Variants in RAB1A observed in about 807,000 individuals in gnomAD.
RAB1A encodes RAB1A, member RAS oncogene family, also known as ras-related protein Rab-1A.
A neutral mutation model predicts 26.0 loss-of-function variants in RAB1A; 2 were observed. That is an observed-to-expected ratio of 0.08 (90% CI 0.03 to 0.24). The LOEUF (loss-of-function observed/expected upper bound fraction) is 0.24. Among genes scored for constraint, RAB1A ranks in the 10% least tolerant of loss-of-function variants. The pLI is 1.00. For missense variants in RAB1A, 100 were observed against 247.0 expected, an observed-to-expected ratio of 0.40 and a Z score of 3.99; for synonymous variants, 84 against 84.9, an observed-to-expected ratio of 0.99 and a Z score of 0.06.
chr2:65,110,656 G>A (rs1297899949), intron 1 of RAB1A, among the ~76,000 whole-genome samples: 1 of 152,144 alleles, frequency 6.6e-6, no homozygotes, highest in African/African-American at 2.4e-5. Context: ...TGCAATGCTG[G>A]GTGTGGTGGC....
intron 1 of RAB1A, among the ~76,000 whole-genome samples, chr2:65,129,207 A>C (rs1181812057): frequency 6.6e-6 from 1 of 151,744 alleles, no homozygotes; most frequent in Non-Finnish European, 1.5e-5. Context: ...TTAAAAAAAA[A>C]AAAAACAAAA....
chr2:65,111,641 T>A (rs10176281), intron 1 of RAB1A, among the ~76,000 whole-genome samples: 24,173 of 152,194 alleles, frequency 0.16, 2,072 homozygotes, highest in African/African-American at 0.22. Flanking sequence ...ATTTCTTAAT[T>A]TGGACAAATG....
At chr2:65,093,624 A>ATTT (rs57642294) in intron 3 of RAB1A, among the ~76,000 whole-genome samples, 1 of 142,638 alleles carries the variant, frequency 7.0e-6, no homozygotes. Flanking sequence ...TTGTGTTTAG[A>ATTT]TTTTTTTTTT....
Position 65,130,008 on chromosome 2 carries a change from G to C in RAB1A, c.-93C>G, listed in dbSNP as rs988287624. 1.4e-6 allele frequency: 2 copies of C among 1,381,520 alleles called. No homozygotes were observed. The allele number at this position is 1,381,520 out of a possible 1,614,324, so 85.6% of individuals were successfully genotyped here. ...CCACGGGTAATCGAAAGAAAGGAAT[G>C]AGATAGGCTGTTCCGGGAGAGCAAA... On this transcript the variant is annotated 5_prime_UTR_variant, in exon 1 of 6. Transcript: ENST00000409784.
chr2:65,126,082 C>T (rs561316669), intron 1 of RAB1A, among the ~76,000 whole-genome samples: 2 of 152,056 alleles, frequency 1.3e-5, no homozygotes, highest in African/African-American at 2.4e-5. Flanking sequence ...ATTGGCCAGG[C>T]TGGTCTTGAA....
intron 2 of RAB1A, among the ~76,000 whole-genome samples, chr2:65,098,832 A>C (rs1177585096): frequency 2.2e-5 from 1 of 46,298 alleles, no homozygotes; most frequent in African/African-American, 8.2e-5. Flanking sequence ...ATGTAACAGT[A>C]CTTCTTTTTT....
intron 1 of RAB1A, among the ~76,000 whole-genome samples, chr2:65,124,318 G>C (rs958244565): frequency 6.6e-6 from 1 of 152,170 alleles, no homozygotes; most frequent in Non-Finnish European, 1.5e-5. Context: ...TTTCAGGCTG[G>C]ACATGGTGGC....
At chr2:65,128,898 C>G (rs17029896) in intron 1 of RAB1A, among the ~76,000 whole-genome samples, 8,042 of 152,214 alleles carry the variant, frequency 0.053, 682 homozygotes, top group African/African-American at 0.18. Context: ...GGGAAGTGAA[C>G]ACCAGTTCCC....
At chr2:65,118,474 T>G (rs1337099907) in intron 1 of RAB1A, among the ~76,000 whole-genome samples, 1 of 152,046 alleles carries the variant, frequency 6.6e-6, no homozygotes, top group Non-Finnish European at 1.5e-5. Context: ...TTTTCCTTTT[T>G]TGTTTGTTTG....
chr2:65,107,866 C>A (rs1243211336), intron 1 of RAB1A, among the ~76,000 whole-genome samples: 2 of 152,026 alleles, frequency 1.3e-5, no homozygotes, highest in African/African-American at 4.8e-5. Flanking sequence ...AAGTTCCAGA[C>A]CACCCTGGCC....
At chr2:65,097,918 A>G in intron 3 of RAB1A, 53 bp downstream of exon 3, 2 of 1,046,580 alleles carry the variant, frequency 1.9e-6, no homozygotes, top group Non-Finnish European at 2.8e-6. Flanking sequence ...ATAACAATAC[A>G]TTACAAATTT....
At chr2:65,113,952 T>C (rs1361254573) in intron 1 of RAB1A, among the ~76,000 whole-genome samples, 2 of 152,208 alleles carry the variant, frequency 1.3e-5, no homozygotes, top group Non-Finnish European at 2.9e-5. Context: ...TAAAAAATGT[T>C]ATTTGAAAGG....
chr2:65,103,310 A>AAAAAAAAC, intron 2 of RAB1A, among the ~76,000 whole-genome samples: 1 of 151,496 alleles, frequency 6.6e-6, no homozygotes, highest in East Asian at 2.0e-4. Context: ...AAAAAAAAAA[A>AAAAAAAAC]AAAACATTGT....
intron 5 of RAB1A, 26 bp downstream of exon 5, chr2:65,088,913 G>A: frequency 6.3e-7 from 1 of 1,578,600 alleles, no homozygotes; most frequent in Non-Finnish European, 8.6e-7. Flanking sequence ...TTCAAATTCA[G>A]TATGAAAATT....
intron 1 of RAB1A, among the ~76,000 whole-genome samples, chr2:65,116,425 C>A (rs1232528601): frequency 6.6e-6 from 1 of 152,184 alleles, no homozygotes; most frequent in African/African-American, 2.4e-5. Context: ...GCCATAGGAT[C>A]TTGGTGCAAG....
At chr2:65,096,861 T>C (rs550287270) in intron 3 of RAB1A, among the ~76,000 whole-genome samples, 1 of 152,210 alleles carries the variant, frequency 6.6e-6, no homozygotes, top group Non-Finnish European at 1.5e-5. Flanking sequence ...GTAGTATCTA[T>C]ATGCTGCCCA....
At chr2:65,119,221 TGAG>T (rs1202668251) in intron 1 of RAB1A, among the ~76,000 whole-genome samples, 1 of 148,930 alleles carries the variant, frequency 6.7e-6, no homozygotes, top group Non-Finnish European at 1.5e-5. Context: ...AAAAAGTTCT[TGAG>T]GCCTGGTGTG....
chr2:65,103,199 A>AG (rs1226252374), intron 2 of RAB1A, among the ~76,000 whole-genome samples: 1 of 148,756 alleles, frequency 6.7e-6, no homozygotes, highest in Non-Finnish European at 1.5e-5. Context: ...TCCACTTGGG[A>AG]GGTCCCAGCC....
At chr2:65,092,108 A>G (rs923279615) in intron 3 of RAB1A, among the ~76,000 whole-genome samples, 12 of 152,094 alleles carry the variant, frequency 7.9e-5, no homozygotes, top group Non-Finnish European at 1.2e-4. Flanking sequence ...CCCTGTCTCT[A>G]CTAAAAATCC....
Sources: allele counts gnomAD v4.1 joint callset (sites outside exome capture counted in the v4.1 genomes callset), GRCh38; gene constraint gnomAD v4.1.1; transcripts MANE v1.5; gene names NCBI Gene and HGNC (gene_info 2026-07-23, HGNC 2026-07-21).